The following CYFIP1 variants were observed in gnomAD, a reference collection of about 807,000 sequenced individuals.
CYFIP1 encodes cytoplasmic FMR1 interacting protein 1.
A neutral mutation model predicts 163.5 loss-of-function variants in CYFIP1; 58 were observed. The observed-to-expected ratio is 0.35, with a 90% confidence interval of 0.29 to 0.44. The LOEUF (loss-of-function observed/expected upper bound fraction) is 0.44, where lower values mean the gene tolerates loss of function less well. Ranked by LOEUF, CYFIP1 falls within the 20% of genes least tolerant of loss-of-function variation. CYFIP1 has a pLI of 1.00. For missense variants in CYFIP1, 1,338 were observed against 1,653.8 expected, an observed-to-expected ratio of 0.81 and a Z score of 3.31; for synonymous variants, 663 against 660.7, an observed-to-expected ratio of 1.00 and a Z score of -0.05.
intron 28 of CYFIP1, 96 bp downstream of exon 28, chr15:22,874,454 C>T (rs2059526719): frequency 1.1e-6 from 1 of 887,284 alleles, no homozygotes; most frequent in African/African-American, 1.7e-5. Context: ...AGCCGCTGGA[C>T]TTCACGATGC....
intron 1 of CYFIP1, among the ~76,000 whole-genome samples, chr15:22,967,535 C>T (rs2062952931): frequency 6.6e-6 from 1 of 152,158 alleles, no homozygotes; most frequent in African/African-American, 2.4e-5. Flanking sequence ...CCTGTGTCTT[C>T]ACACACACTT....
intron 1 of CYFIP1, among the ~76,000 whole-genome samples, chr15:22,976,298 C>G (rs569615941): frequency 7.9e-5 from 12 of 152,248 alleles, no homozygotes; most frequent in African/African-American, 2.9e-4. Context: ...GCTGGGACTA[C>G]AGGCGCACGC....
chr15:22,958,297 G>T (rs187610941), intron 1 of CYFIP1, among the ~76,000 whole-genome samples: 2 of 152,052 alleles, frequency 1.3e-5, no homozygotes, highest in Non-Finnish European at 2.9e-5. Flanking sequence ...TGTTGGTCAG[G>T]CTGGTTTTGA....
chr15:22,896,172 A>C (rs1371759472), intron 22 of CYFIP1, among the ~76,000 whole-genome samples: 1 of 152,092 alleles, frequency 6.6e-6, no homozygotes, highest in Non-Finnish European at 1.5e-5. Flanking sequence ...CAGTTTGACA[A>C]TGTCACTGCA....
chr15:22,951,651 A>G, intron 1 of CYFIP1: 1 of 930,002 alleles, frequency 1.1e-6, no homozygotes. Flanking sequence ...CGGGTCAACA[A>G]GAAGACAGGT....
intron 1 of CYFIP1, among the ~76,000 whole-genome samples, chr15:22,964,535 C>T (rs1291905740): frequency 6.6e-6 from 1 of 152,128 alleles, no homozygotes; most frequent in African/African-American, 2.4e-5. Context: ...GGGCAGTTTC[C>T]CCTGCCCGGC....
chr15:22,885,978 A>G (rs1199586840), intron 23 of CYFIP1, among the ~76,000 whole-genome samples: 4 of 152,162 alleles, frequency 2.6e-5, no homozygotes, highest in Non-Finnish European at 1.5e-5. Flanking sequence ...ATAATTTATA[A>G]AGGAAAGAGG....
At position 22,871,684 on chromosome 15, in the gene CYFIP1, G is replaced by A. The variant is rs368116888; in HGVS notation, c.3597+1141C>T. Reference sequence around the variant, plus strand: ...CACAGTCAGGGAATGTTCTCTGGCCGGAGGCAGGAGAGACATGGCAGAAGA... The same window carrying A: ...CACAGTCAGGGAATGTTCTCTGGCCAGAGGCAGGAGAGACATGGCAGAAGA... On this transcript the variant is annotated intron_variant, in intron 30 of 30. Coordinates refer to ENST00000617928, the MANE Select transcript of CYFIP1 (RefSeq NM_014608.6). 1.6e-3 allele frequency among the ~76,000 whole-genome samples: 237 copies of A among 152,316 alleles called. 1 individual carries two copies. Among genetic ancestry groups the A allele is most frequent in the African/African-American group, 5.2e-3 (216 of 41,566 alleles).
rs2060344655 is a variant in CYFIP1 at position 22,900,015 on chromosome 15, G to C, written c.2588+3691C>G. Among the ~76,000 whole-genome samples, 2 of 152,150 alleles carry C rather than the reference G, an allele frequency of 1.3e-5. 1 individual carries two copies. The highest frequency in any genetic ancestry group is 1.3e-4 in the Admixed American group (2 of 15,276). ...GCCGAGACTGTACAACTGCACTCCAGCCTGGGTGGCAGAACGAGACTCCGT... is the reference window on the plus strand; with the variant it reads ...GCCGAGACTGTACAACTGCACTCCACCCTGGGTGGCAGAACGAGACTCCGT... On this transcript the variant is annotated intron_variant, in intron 22 of 30. Transcript: ENST00000617928.
chr15:22,952,286 CG>C (rs2062277991), intron 1 of CYFIP1, among the ~76,000 whole-genome samples: 2 of 151,962 alleles, frequency 1.3e-5, no homozygotes, highest in African/African-American at 4.8e-5. Flanking sequence ...AAAGATGAAA[CG>C]CTCTAGCTGG....
chr15:22,923,942 C>CA (rs916058496), intron 13 of CYFIP1, among the ~76,000 whole-genome samples: 20,158 of 59,426 alleles, frequency 0.34, 2,707 homozygotes, highest in African/African-American at 0.39. Context: ...ACCTTGTCTC[C>CA]AAAAAAAAAA....
chr15:22,962,495 T>C (rs1401452594), intron 1 of CYFIP1, among the ~76,000 whole-genome samples: 1 of 151,670 alleles, frequency 6.6e-6, no homozygotes, highest in Non-Finnish European at 1.5e-5. Context: ...GCCTCCCTGG[T>C]TCAAGCTATT....
chr15:22,871,184 G>A (rs4778440), intron 30 of CYFIP1, among the ~76,000 whole-genome samples: 101,441 of 152,024 alleles, frequency 0.67, 35,020 homozygotes, highest in Admixed American at 0.75. Context: ...ATTAACTCCA[G>A]TTAAATAAAG....
At chr15:22,937,239 A>C (rs1404631692) in intron 8 of CYFIP1, 31 bp from the exon 9 acceptor site, 2 of 1,363,676 alleles carry the variant, frequency 1.5e-6, no homozygotes, top group South Asian at 2.3e-5. Flanking sequence ...TGATGCGACA[A>C]AGCTCAGAAC....
chr15:22,917,298 G>T lies in CYFIP1; in HGVS notation c.1674+490C>A. The stretch of plus-strand genomic sequence containing the variant: ...CCCAGGACGGAGGACAGACGCAGCG[G>T]TGTGGATTAAACCGGGTGTGAAAGT... On this transcript the variant is annotated intron_variant, in intron 15 of 30. Coordinates refer to ENST00000617928, the MANE Select transcript of CYFIP1 (RefSeq NM_014608.6). The surrounding 1 kb of genome is among the most constrained non-coding windows in gnomAD (Gnocchi z 4.2). 3 of 1,351,888 alleles carry T rather than the reference G, an allele frequency of 2.2e-6. No individual in the cohort carries two copies. The highest frequency in any genetic ancestry group is 2.8e-6 in the Non-Finnish European group (3 of 1,056,992). The allele number at this position is 1,351,888 out of a possible 1,614,324, so 83.7% of individuals were successfully genotyped here. A position where few individuals can be genotyped will look rare whatever the true frequency, so the allele number is the denominator to read the frequency against.
chr15:22,879,893 G>A lies in CYFIP1; in HGVS notation c.3042+20C>T, dbSNP rs760200136. Reference sequence around the variant, plus strand: ...GGGGTGGGCTGGGGCGGGGAGGGGCGGCGTTGGGGGGCCACTCACCAGGCT... The same window carrying A: ...GGGGTGGGCTGGGGCGGGGAGGGGCAGCGTTGGGGGGCCACTCACCAGGCT... On this transcript the variant is annotated intron_variant, in intron 26 of 30. Transcript: ENST00000617928. 2.2e-5 allele frequency: 36 copies of A among 1,601,076 alleles called. 1 individual carries two copies. In the East Asian group the frequency reaches 4.9e-4, roughly 22 times the overall value.
chr15:22,943,955 T>C (rs1013330052), intron 5 of CYFIP1, among the ~76,000 whole-genome samples: 4 of 151,836 alleles, frequency 2.6e-5, no homozygotes, highest in Non-Finnish European at 5.9e-5. Context: ...AAAGTACAAA[T>C]TGGCCAGGCG....
At chr15:22,875,456 G>A (rs972913591) in intron 26 of CYFIP1, 185 bp from the exon 27 acceptor site, 12 of 620,270 alleles carry the variant, frequency 1.9e-5, no homozygotes, top group Admixed American at 5.2e-5. Context: ...TCCGGCAGCC[G>A]CCAGCCATGC....
At chr15:22,957,574 T>G (rs2062517401) in intron 1 of CYFIP1, among the ~76,000 whole-genome samples, 1 of 152,164 alleles carries the variant, frequency 6.6e-6, no homozygotes, top group Non-Finnish European at 1.5e-5. Context: ...AGGCGGAGCT[T>G]GCAGTGAGCC....
Sources: allele counts gnomAD v4.1 joint callset (sites outside exome capture counted in the v4.1 genomes callset), GRCh38; gene constraint gnomAD v4.1.1; non-coding constraint Gnocchi (gnomAD v3.1); transcripts MANE v1.5; gene names NCBI Gene and HGNC (gene_info 2026-07-23, HGNC 2026-07-21).